Variants in ATXN10 observed in about 807,000 individuals in gnomAD.
ATXN10 encodes ataxin-10.
In ATXN10, 28 loss-of-function variants were observed where a neutral mutation model predicts 52.9. That is an observed-to-expected ratio of 0.53 (90% confidence interval 0.39 to 0.73). ATXN10 has a LOEUF of 0.73. ATXN10 is among the 30% of genes least tolerant of loss of function. The pLI is 0.00. For missense variants in ATXN10, 565 were observed against 577.0 expected (o/e 0.98, Z 0.21); for synonymous variants, 226 against 221.5 (o/e 1.02, Z -0.18).
At chr22:45,743,372 T>A (rs960672811) in intron 9 of ATXN10, among the ~76,000 whole-genome samples, 2 of 152,364 alleles carry the variant, frequency 1.3e-5, no homozygotes, top group Admixed American at 1.3e-4. Context: ...GAGTGTTCTT[T>A]ATTCTTGTAG....
At position 45,789,537 on chromosome 22, in the gene ATXN10, G is replaced by C. The variant is rs1456953453; in HGVS notation, c.1174-17422G>C. Among the ~76,000 whole-genome samples the C allele has an allele frequency of 6.6e-6, 1 of 152,180 alleles. No individual in the cohort carries two copies. The highest frequency in any genetic ancestry group is 1.5e-5 in the Non-Finnish European group (1 of 68,032). On this transcript the variant is annotated intron_variant, in intron 9 of 11. Transcript: ENST00000252934. This position sits in a 1 kb window ranked among gnomAD's most constrained non-coding sequence, Gnocchi z 4.0. ...TGGACGCTATACAGCTCAACTCAAA[G>C]AGGGATTCAATTGTCACCGCCCTGG...
intron 9 of ATXN10, among the ~76,000 whole-genome samples, chr22:45,797,110 C>A (rs550039698): frequency 1.3e-5 from 2 of 152,106 alleles, no homozygotes; most frequent in African/African-American, 4.8e-5. Context: ...AAGAAAAAAT[C>A]GATCTGCAGT....
chr22:45,722,082 T>G (rs1601606303), intron 6 of ATXN10, among the ~76,000 whole-genome samples: 1 of 152,214 alleles, frequency 6.6e-6, no homozygotes, highest in East Asian at 1.9e-4. Context: ...GTGTGTCTGG[T>G]GAACTCAGAG....
Position 45,780,317 on chromosome 22 carries a change from C to T in ATXN10, c.1174-26642C>T, listed in dbSNP as rs920538807. Among the ~76,000 whole-genome samples the T allele has an allele frequency of 2.0e-5, 3 of 152,232 alleles. No homozygotes were observed. The South Asian group carries it at 6.2e-4, about 31-fold the overall frequency. On this transcript the variant is annotated intron_variant, in intron 9 of 11. Coordinates refer to ENST00000252934, the MANE Select transcript of ATXN10 (RefSeq NM_013236.4). The surrounding 1 kb of genome is among the most constrained non-coding windows in gnomAD (Gnocchi z 4.0). ...CAGGCTGGTCTTGAACTCCTGACCT[C>T]AAATGATCCACCCGCTTCAGCCTCC...
intron 9 of ATXN10, among the ~76,000 whole-genome samples, chr22:45,796,272 G>A (rs1927734510): frequency 6.6e-6 from 1 of 152,218 alleles, no homozygotes; most frequent in African/African-American, 2.4e-5. Context: ...GCGAATTCTA[G>A]TCAGACCGGT....
chr22:45,692,924 A>T, intron 2 of ATXN10, 72 bp from the exon 3 acceptor site: 1 of 1,213,814 alleles, frequency 8.2e-7, no homozygotes, highest in Non-Finnish European at 1.2e-6. Flanking sequence ...CTCCCATTGT[A>T]GTGCAAAAAC....
chr22:45,825,778 A>G lies in ATXN10; in HGVS notation c.1238-17213A>G, dbSNP rs1036569475. Among the ~76,000 whole-genome samples the G allele has an allele frequency of 2.0e-5, 3 of 152,330 alleles. No individual in the cohort carries two copies. Among genetic ancestry groups the G allele is most frequent in the African/African-American group, 2.4e-5 (1 of 41,582 alleles). ...AACTAAAGGAACGTGTGGAAAATCA[A>G]TAAAACAATATATGGACAAGCCCAG... On this transcript the variant is annotated intron_variant, in intron 10 of 11. Transcript: ENST00000252934. This position sits in a 1 kb window ranked among gnomAD's most constrained non-coding sequence, Gnocchi z 4.5.
At chr22:45,748,964 C>T (rs1925841930) in intron 9 of ATXN10, among the ~76,000 whole-genome samples, 1 of 152,088 alleles carries the variant, frequency 6.6e-6, no homozygotes, top group Admixed American at 6.5e-5. Flanking sequence ...ACTCCAAAAA[C>T]CCCTTTTCTA....
chr22:45,733,266 G>T lies in ATXN10; in HGVS notation c.894+3676G>T, dbSNP rs1049927041. Among the ~76,000 whole-genome samples, 4 of 152,152 alleles carry T rather than the reference G, an allele frequency of 2.6e-5. No homozygotes were observed. Among genetic ancestry groups the T allele is most frequent in the Non-Finnish European group, 4.4e-5 (3 of 68,030 alleles). On this transcript the variant is annotated intron_variant, in intron 7 of 11. Coordinates refer to ENST00000252934, the MANE Select transcript of ATXN10 (RefSeq NM_013236.4). The surrounding 1 kb of genome is among the most constrained non-coding windows in gnomAD (Gnocchi z 4.4). Reference sequence around the variant, plus strand: ...CAACCCCAGGTTAGGCCATACTGTAGTACCTGTTATGCAGTAGGTATTACA... The same window carrying T: ...CAACCCCAGGTTAGGCCATACTGTATTACCTGTTATGCAGTAGGTATTACA...
In ATXN10 at chr22:45,705,029, T is replaced by A. The variant is rs1923986395; in HGVS notation, c.647+2182T>A. Among the ~76,000 whole-genome samples, 1 of 152,242 alleles carries A rather than the reference T, an allele frequency of 6.6e-6. No individual in the cohort carries two copies. The highest frequency in any genetic ancestry group is 1.5e-5 in the Non-Finnish European group (1 of 68,042). ...TTTTGTGTCTGTTGAGATAGTCATA[T>A]GGCTTTGTCTTTTAGTCTATTAATA... On this transcript the variant is annotated intron_variant, in intron 5 of 11. Transcript: ENST00000252934. This position sits in a 1 kb window ranked among gnomAD's most constrained non-coding sequence, Gnocchi z 5.2.
chr22:45,689,457 G>A (rs1165480586), intron 1 of ATXN10: 1 of 516,512 alleles, frequency 1.9e-6, no homozygotes, highest in Non-Finnish European at 3.5e-6. Flanking sequence ...ATCTGTAAAT[G>A]GAGAGGACAG....
At chr22:45,686,905 T>C (rs1005024806) in intron 1 of ATXN10, among the ~76,000 whole-genome samples, 1 of 151,772 alleles carries the variant, frequency 6.6e-6, no homozygotes, top group Non-Finnish European at 1.5e-5. Flanking sequence ...TGGTGAGATA[T>C]GTTTGAGCAA....
At chr22:45,773,559 A>C (rs4525797) in intron 9 of ATXN10, among the ~76,000 whole-genome samples, 1 of 152,166 alleles carries the variant, frequency 6.6e-6, no homozygotes, top group South Asian at 2.1e-4. Flanking sequence ...CCCAGGTTCA[A>C]GCGATTCTCC....
In ATXN10 at chr22:45,795,415, A is replaced by ATTGTT. The variant is rs1555896253; in HGVS notation, c.1174-11542_1174-11541insGTTTT. 5.4e-3 allele frequency among the ~76,000 whole-genome samples: 721 copies of ATTGTT among 134,196 alleles called. 11 individuals are homozygous for ATTGTT. The highest frequency in any genetic ancestry group is 0.045 in the Middle Eastern group (12 of 264). The allele number at this position is 134,196 out of a possible 152,430, so 88.0% of individuals were successfully genotyped here. ...ATTCTATTCTATTCTATTCTATTCT[A>ATTGTT]TTCTATTCTTTTTGAGATGAAGTCT... is the stretch of plus-strand genomic sequence containing the variant. On this transcript the variant is annotated intron_variant, in intron 9 of 11. Coordinates refer to ENST00000252934, the MANE Select transcript of ATXN10 (RefSeq NM_013236.4). This position sits in a 1 kb window ranked among gnomAD's most constrained non-coding sequence, Gnocchi z 4.6.
chr22:45,684,645 T>C lies in ATXN10; in HGVS notation c.117-5067T>C, dbSNP rs1360152517. Among the ~76,000 whole-genome samples the C allele has an allele frequency of 1.3e-5, 2 of 152,134 alleles. No individual in the cohort carries two copies. The highest frequency in any genetic ancestry group is 4.8e-5 in the African/African-American group (2 of 41,438). ...AGTTGAGAGTGTGACAGAGGCTGTT[T>C]GGCCATCAGAGCTGGAAATATTCAC... is the stretch of plus-strand genomic sequence containing the variant. On this transcript the variant is annotated intron_variant, in intron 1 of 11. Transcript: ENST00000252934. This position sits in a 1 kb window ranked among gnomAD's most constrained non-coding sequence, Gnocchi z 4.1.
At chr22:45,700,462 A>G in intron 4 of ATXN10, 84 bp downstream of exon 4, 1 of 1,095,878 alleles carries the variant, frequency 9.1e-7, no homozygotes. Flanking sequence ...CGAAAACAGG[A>G]AAAAGTAACC....
Position 45,678,234 on chromosome 22 carries a change from T to C in ATXN10, c.116+6055T>C, listed in dbSNP as rs934268932. On this transcript the variant is annotated intron_variant, in intron 1 of 11. Transcript: ENST00000252934. This position sits in a 1 kb window ranked among gnomAD's most constrained non-coding sequence, Gnocchi z 4.1. ...GAACAACATGGCAAATTTTATGTTATATATATGTATTTTACCACAGTTAAA... is the reference window on the plus strand; with the variant it reads ...GAACAACATGGCAAATTTTATGTTACATATATGTATTTTACCACAGTTAAA... 4 of 152,228 alleles carry C rather than the reference T, an allele frequency of 2.6e-5. No homozygotes were observed. Among genetic ancestry groups the C allele is most frequent in the Admixed American group, 6.5e-5 (1 of 15,284 alleles). The allele number at this position is 152,228 out of a possible 1,614,324, so 9.4% of individuals were successfully genotyped here.
intron 10 of ATXN10, chr22:45,811,573 ATAGTC>A: frequency 2.7e-6 from 1 of 372,836 alleles, no homozygotes; most frequent in South Asian, 2.0e-5. Context: ...ATACAGTTCT[ATAGTC>A]TAGAAGCAGT....
chr22:45,842,904 G>T lies in ATXN10; in HGVS notation c.1238-87G>T, dbSNP rs1929392207. ...TTGATACTGGATGTTCCGTGTTTCT[G>T]TGCTCCTCTACTCCTTTTCTGATAA... On this transcript the variant is annotated intron_variant, in intron 10 of 11. Coordinates refer to ENST00000252934, the MANE Select transcript of ATXN10 (RefSeq NM_013236.4). The surrounding 1 kb of genome is among the most constrained non-coding windows in gnomAD (Gnocchi z 4.8). The T allele has an allele frequency of 2.1e-6, 3 of 1,418,382 alleles. No individual in the cohort carries two copies. Among genetic ancestry groups the T allele is most frequent in the South Asian group, 1.2e-5 (1 of 85,610 alleles). The allele number at this position is 1,418,382 out of a possible 1,614,324, so 87.9% of individuals were successfully genotyped here. A position where few individuals can be genotyped will look rare whatever the true frequency, so the allele number is the denominator to read the frequency against.
Sources: gnomAD v4.1 joint callset for allele counts (sites outside exome capture counted in the v4.1 genomes callset) on GRCh38, gnomAD v4.1.1 for gene constraint, Gnocchi (gnomAD v3.1) non-coding constraint, MANE v1.5 for transcripts, NCBI Gene and HGNC (gene_info 2026-07-23, HGNC 2026-07-21) for gene names.